Variants in GALNT17 observed in about 807,000 individuals in gnomAD.
GALNT17 encodes UDP-GalNAc:polypeptide N-acetylgalactosaminyltransferase-like 3.
In GALNT17, 29 loss-of-function variants were observed where a neutral mutation model predicts 63.7. That is an observed-to-expected ratio of 0.46 (90% CI 0.34 to 0.62). GALNT17 has a LOEUF of 0.62. Among genes scored for constraint, GALNT17 ranks in the 20% least tolerant of loss-of-function variants. GALNT17 has a pLI of 0.01. For missense variants in GALNT17, 603 were observed against 799.6 expected (o/e 0.75, Z 2.97); for synonymous variants, 305 against 318.3 (o/e 0.96, Z 0.45).
At chr7:71,212,527 A>G (rs1386299375) in intron 1 of GALNT17, among the ~76,000 whole-genome samples, 1 of 151,610 alleles carries the variant, frequency 6.6e-6, no homozygotes. Context: ...GCCACCGTCC[A>G]CCAGACTCCA....
intron 1 of GALNT17, among the ~76,000 whole-genome samples, chr7:71,311,955 G>A (rs887026813): frequency 6.6e-6 from 1 of 152,166 alleles, no homozygotes; most frequent in East Asian, 1.9e-4. Context: ...GTTGAAACAG[G>A]GAAGAGGCAC....
At chr7:71,580,399 TGATAGATAGATAGATAGATAGATA>T (rs59745749) in intron 6 of GALNT17, among the ~76,000 whole-genome samples, 2 of 147,478 alleles carry the variant, frequency 1.4e-5, no homozygotes, top group African/African-American at 2.5e-5. Context: ...GATAGATGGA[TGATAGATAGATAGATAGATAGATA>T]GATAGATAGA....
At chr7:71,653,154 T>C (rs1293043987) in intron 6 of GALNT17, among the ~76,000 whole-genome samples, 1 of 152,154 alleles carries the variant, frequency 6.6e-6, no homozygotes, top group Non-Finnish European at 1.5e-5. Flanking sequence ...TAGCTGGGAC[T>C]ACAGGCACCT....
intron 5 of GALNT17, among the ~76,000 whole-genome samples, chr7:71,470,036 C>T (rs1583981565): frequency 6.6e-6 from 1 of 152,132 alleles, no homozygotes; most frequent in Non-Finnish European, 1.5e-5. Context: ...TGGTGAAACC[C>T]TGTCTCTACT....
chr7:71,446,990 C>T (rs575853401), intron 5 of GALNT17, among the ~76,000 whole-genome samples: 10 of 152,260 alleles, frequency 6.6e-5, no homozygotes, highest in South Asian at 2.1e-4. Flanking sequence ...TTCACTCACC[C>T]GCATCCACCT....
intron 1 of GALNT17, among the ~76,000 whole-genome samples, chr7:71,223,030 A>T (rs1437180169): frequency 1.3e-5 from 2 of 152,120 alleles, no homozygotes; most frequent in Non-Finnish European, 2.9e-5. Context: ...CTTTGGTCAC[A>T]CCACTGCACT....
At chr7:71,166,383 A>G (rs1275165935) in intron 1 of GALNT17, among the ~76,000 whole-genome samples, 1 of 152,200 alleles carries the variant, frequency 6.6e-6, no homozygotes, top group Non-Finnish European at 1.5e-5. Context: ...TGCACGTTTA[A>G]AGGGTACAAT....
Position 71,147,656 on chromosome 7 carries a change from G to T in GALNT17, c.238+14616G>T, listed in dbSNP as rs1441607498. Reference sequence around the variant, plus strand: ...TTCTTTTTTCTTTTTTTTTTAGACGGAGTCTCACTCTGTCGTCCAGGCTGG... The same window carrying T: ...TTCTTTTTTCTTTTTTTTTTAGACGTAGTCTCACTCTGTCGTCCAGGCTGG... On this transcript the variant is annotated intron_variant, in intron 1 of 10. Coordinates refer to ENST00000333538, the MANE Select transcript of GALNT17 (RefSeq NM_022479.3). Among the ~76,000 whole-genome samples the T allele has an allele frequency of 4.6e-5, 7 of 151,286 alleles. No homozygotes were observed. The East Asian group carries it at 1.4e-3, about 29-fold the overall frequency.
chr7:71,354,138 C>A (rs1792239463), intron 2 of GALNT17, among the ~76,000 whole-genome samples: 1 of 152,184 alleles, frequency 6.6e-6, no homozygotes, highest in Non-Finnish European at 1.5e-5. Flanking sequence ...CACCTCCTAA[C>A]ACACCCTACC....
At chr7:71,182,323 T>G (rs1788750847) in intron 1 of GALNT17, among the ~76,000 whole-genome samples, 1 of 152,228 alleles carries the variant, frequency 6.6e-6, no homozygotes, top group Non-Finnish European at 1.5e-5. Context: ...GAAGATACAT[T>G]TATACATTTC....
At chr7:71,483,111 T>C (rs1787850566) in intron 5 of GALNT17, among the ~76,000 whole-genome samples, 1 of 152,184 alleles carries the variant, frequency 6.6e-6, no homozygotes, top group Non-Finnish European at 1.5e-5. Context: ...AGACTAATCA[T>C]GCACCTGTCT....
chr7:71,398,141 CT>C (rs1446713924), intron 3 of GALNT17, among the ~76,000 whole-genome samples: 1 of 151,968 alleles, frequency 6.6e-6, no homozygotes, highest in African/African-American at 2.4e-5. Context: ...CATTTAGTGG[CT>C]TCCATCCTCA....
At chr7:71,199,219 C>T (rs1789116160) in intron 1 of GALNT17, among the ~76,000 whole-genome samples, 1 of 152,148 alleles carries the variant, frequency 6.6e-6, no homozygotes, top group Non-Finnish European at 1.5e-5. Flanking sequence ...CCCTGAAATT[C>T]TTCTTTGAAA....
chr7:71,245,848 G>GTTTTTTTTTTTTTTTTTGTTTT (rs542136452), intron 1 of GALNT17, among the ~76,000 whole-genome samples: 1 of 122,892 alleles, frequency 8.1e-6, no homozygotes, highest in Non-Finnish European at 1.8e-5. Context: ...AAGAGAGCAG[G>GTTTTTTTTTTTTTTTTTGTTTT]TTTTTTTTTT....
At chr7:71,238,590 G>T (rs1157180149) in intron 1 of GALNT17, among the ~76,000 whole-genome samples, 1 of 152,132 alleles carries the variant, frequency 6.6e-6, no homozygotes, top group Non-Finnish European at 1.5e-5. Flanking sequence ...GGAAATGAAG[G>T]TCTCGCCAGC....
rs200137771 is a variant in GALNT17, at chr7:71,528,149, T to G, written c.963-43136T>G. The stretch of plus-strand genomic sequence containing the variant: ...TGTTGCTGTTTTTGATATCATCTTG[T>G]TTTGTTACTATCTAAAAAGCAGACA... On this transcript the variant is annotated intron_variant, in intron 5 of 10. Coordinates refer to ENST00000333538, the MANE Select transcript of GALNT17 (RefSeq NM_022479.3). Among the ~76,000 whole-genome samples the G allele has an allele frequency of 1.7e-4, 26 of 152,324 alleles. No homozygotes were observed. The East Asian group carries it at 4.4e-3, about 26-fold the overall frequency.
intron 1 of GALNT17, among the ~76,000 whole-genome samples, chr7:71,234,297 T>C (rs1226852857): frequency 1.3e-5 from 2 of 152,198 alleles, no homozygotes; most frequent in Non-Finnish European, 2.9e-5. Flanking sequence ...AGTCTCACTC[T>C]GTCGCCCAGG....
At chr7:71,681,634 T>C (rs570348704) in intron 9 of GALNT17, among the ~76,000 whole-genome samples, 2 of 152,334 alleles carry the variant, frequency 1.3e-5, no homozygotes, top group South Asian at 4.1e-4. Context: ...TTTAGGCAAT[T>C]ACTCCAAGAG....
intron 5 of GALNT17, among the ~76,000 whole-genome samples, chr7:71,537,792 AAC>A (rs1243461975): frequency 2.0e-5 from 3 of 152,152 alleles, no homozygotes; most frequent in Non-Finnish European, 4.4e-5. Flanking sequence ...CAGCCTGAGG[AAC>A]AGAGTGAGAC....
Sources: gnomAD v4.1 joint callset for allele counts (sites outside exome capture counted in the v4.1 genomes callset) on GRCh38, gnomAD v4.1.1 for gene constraint, MANE v1.5 for transcripts, NCBI Gene and HGNC (gene_info 2026-07-23, HGNC 2026-07-21) for gene names.